Variants in NFAM1 observed in about 807,000 individuals in gnomAD.
The protein encoded by NFAM1 is NFAT activation molecule 1.
Under a neutral mutation model 29.0 loss-of-function variants are expected in NFAM1, and 17 were observed. That is an observed-to-expected ratio of 0.59 (90% CI 0.40 to 0.88). The LOEUF (loss-of-function observed/expected upper bound fraction) is 0.88, where lower values mean the gene tolerates loss of function less well. NFAM1 is among the 40% of genes least tolerant of loss of function. The pLI is 0.00. For missense variants in NFAM1, 324 were observed against 344.6 expected (o/e 0.94, Z 0.47); for synonymous variants, 175 against 147.2 (o/e 1.19, Z -1.36).
chr22:42,425,138 G>A (rs561198627), intron 1 of NFAM1, among the ~76,000 whole-genome samples: 10 of 152,170 alleles, frequency 6.6e-5, no homozygotes, highest in Admixed American at 3.3e-4. Context: ...GGCCAGGCTG[G>A]TCTCGAACTC....
Position 42,432,378 on chromosome 22 carries a change from G to A in NFAM1, c.-21C>T, listed in dbSNP as rs202183156. Reference sequence around the variant, plus strand: ...TCCATCTGGGGGCCTGCTTGTCTGCGGCGACTCTTTAGTTCACAGGAGGGG... The same window carrying A: ...TCCATCTGGGGGCCTGCTTGTCTGCAGCGACTCTTTAGTTCACAGGAGGGG... On this transcript the variant is annotated 5_prime_UTR_variant, in exon 1 of 6. Coordinates refer to ENST00000329021, the MANE Select transcript of NFAM1 (RefSeq NM_145912.8). The A allele has an allele frequency of 2.1e-5, 32 of 1,550,432 alleles. No homozygotes were observed. The African/African-American group carries it at 2.6e-4, about 13-fold the overall frequency.
rs150163922 is a variant in NFAM1, at chr22:42,424,332, G to A, written c.121+7905C>T. 8.6e-3 allele frequency among the ~76,000 whole-genome samples: 1,306 copies of A among 152,104 alleles called. 25 individuals carry two copies. Among genetic ancestry groups the A allele is most frequent in the African/African-American group, 0.03 (1,238 of 41,474 alleles). ...CGGGAGGCTGAGGCAGGAGAATGGC[G>A]TGAACCAGGGAGGCAGAGCTTGCGA... On this transcript the variant is annotated intron_variant, in intron 1 of 5. Coordinates refer to ENST00000329021, the MANE Select transcript of NFAM1 (RefSeq NM_145912.8).
At chr22:42,399,471 AG>A (rs1929654959) in intron 3 of NFAM1, among the ~76,000 whole-genome samples, 1 of 150,974 alleles carries the variant, frequency 6.6e-6, no homozygotes, top group African/African-American at 2.4e-5. Flanking sequence ...AAAGAAAGAA[AG>A]AAAAAAAGAG....
At chr22:42,396,707 G>A (rs1929536804) in intron 4 of NFAM1, among the ~76,000 whole-genome samples, 1 of 152,168 alleles carries the variant, frequency 6.6e-6, no homozygotes, top group South Asian at 2.1e-4. Context: ...GAAGCTGAAA[G>A]CCCTTTGAGA....
intron 3 of NFAM1, among the ~76,000 whole-genome samples, 170 bp from the exon 4 acceptor site, chr22:42,398,126 T>G (rs1215205846): frequency 6.6e-6 from 1 of 152,172 alleles, no homozygotes; most frequent in Admixed American, 6.5e-5. Context: ...CTACAAGACC[T>G]GCATCAAGCC....
Position 42,409,400 on chromosome 22 carries a change from G to T in NFAM1, c.564+35C>A. 1 of 1,190,542 alleles carries T rather than the reference G, an allele frequency of 8.4e-7. No homozygotes were observed. The highest frequency in any genetic ancestry group is 1.2e-6 in the Non-Finnish European group (1 of 863,718). 73.7% of individuals were successfully genotyped at this position (1,190,542 alleles called of 1,614,324 possible). On this transcript the variant is annotated intron_variant, in intron 3 of 5. Coordinates refer to ENST00000329021, the MANE Select transcript of NFAM1 (RefSeq NM_145912.8). The surrounding 1 kb of genome is among the most constrained non-coding windows in gnomAD (Gnocchi z 4.9). ...CGGGCAGCCGGTGGCGTGTCGGGTGGAGGGGCTGCATGGCTGTGAGCACTG... is the reference window on the plus strand; with the variant it reads ...CGGGCAGCCGGTGGCGTGTCGGGTGTAGGGGCTGCATGGCTGTGAGCACTG...
At position 42,432,312 on chromosome 22, in the gene NFAM1, G is replaced by A. The variant is rs372030282; in HGVS notation, c.46C>T (p.Arg16Cys). 5.4e-5 allele frequency: 85 copies of A among 1,576,642 alleles called. No individual in the cohort carries two copies. The highest frequency in any genetic ancestry group is 1.7e-4 in the Middle Eastern group (1 of 5,930). The change falls in exon 1 of 6, where the codon CGC (arginine) becomes TGC (cysteine). Residue 16 changes from arginine to cysteine, a missense_variant. Physicochemically the swap from Arg to Cys is radical, Grantham distance 180. Transcript: ENST00000329021. ...VRWRALPGLP[R>C]PPGLPAAPWL... ...GGGGCTGCGGGGAGCCCAGGAGGGCGTGGGAGGCCTGGCAGGGCCCGCCAC... is the reference window on the plus strand; with the variant it reads ...GGGGCTGCGGGGAGCCCAGGAGGGCATGGGAGGCCTGGCAGGGCCCGCCAC...
chr22:42,408,208 C>A (rs1352044212), intron 3 of NFAM1, among the ~76,000 whole-genome samples: 3 of 152,150 alleles, frequency 2.0e-5, no homozygotes, highest in African/African-American at 7.2e-5. Context: ...ATAGAGATTT[C>A]TTGATTTCAG....
intron 2 of NFAM1, among the ~76,000 whole-genome samples, chr22:42,411,182 C>T (rs1297932325): frequency 2.0e-5 from 3 of 151,926 alleles, no homozygotes; most frequent in African/African-American, 7.3e-5. Flanking sequence ...TGCCACCATG[C>T]CCAGCTAATT....
At chr22:42,406,951 A>T (rs564774779) in intron 3 of NFAM1, among the ~76,000 whole-genome samples, 1 of 151,544 alleles carries the variant, frequency 6.6e-6, no homozygotes, top group South Asian at 2.1e-4. Flanking sequence ...AATTTTTTGT[A>T]TCTTTAGTAG....
intron 1 of NFAM1, among the ~76,000 whole-genome samples, chr22:42,424,720 T>G (rs970865761): frequency 6.6e-6 from 1 of 151,230 alleles, no homozygotes; most frequent in Non-Finnish European, 1.5e-5. Flanking sequence ...TTGGTGGAGT[T>G]GGAAGGAATG....
chr22:42,425,153 C>T (rs1031115816), intron 1 of NFAM1, among the ~76,000 whole-genome samples: 1 of 152,088 alleles, frequency 6.6e-6, no homozygotes, highest in Non-Finnish European at 1.5e-5. Flanking sequence ...GAACTCCTGA[C>T]CTCAGGTGAT....
Position 42,432,231 on chromosome 22 carries a change from C to T in NFAM1, c.121+6G>A. 6.4e-7 allele frequency: 1 copy of T among 1,568,820 alleles called. No individual in the cohort carries two copies. Among genetic ancestry groups the T allele is most frequent in the Non-Finnish European group, 8.6e-7 (1 of 1,156,384 alleles). ...GAGTAGAGAGAAGGAGGAAGACAGA[C>T]ACTACCTGCCAGTCGCAGGGTCCCG... On this transcript the variant is annotated splice_donor_region_variant and intron_variant, in intron 1 of 5. Transcript: ENST00000329021.
In NFAM1 at chr22:42,381,024, T is replaced by G. The variant is rs1928927643; in HGVS notation, c.*4137A>C. ...CTCTGCTGCCAGAATCCCCTGGAAA[T>G]GTTTGCTGAGGAGGGGCCACCGTTT... On this transcript the variant is annotated 3_prime_UTR_variant, in exon 6 of 6. Transcript: ENST00000329021. The G allele has an allele frequency of 6.6e-6, 1 of 152,630 alleles. No individual in the cohort carries two copies. Among genetic ancestry groups the G allele is most frequent in the South Asian group, 2.1e-4 (1 of 4,822 alleles). 9.5% of individuals were successfully genotyped at this position (152,630 alleles called of 1,614,324 possible). A position where few individuals can be genotyped will look rare whatever the true frequency, so the allele number is the denominator to read the frequency against.
chr22:42,412,568 C>T (rs932259787), intron 1 of NFAM1, among the ~76,000 whole-genome samples: 1 of 152,218 alleles, frequency 6.6e-6, no homozygotes. Flanking sequence ...GATCAAAGCA[C>T]AGGCCTGAGA....
chr22:42,411,019 CTTTTTTTTTTT>C (rs138369373), intron 2 of NFAM1, among the ~76,000 whole-genome samples: 2 of 121,776 alleles, frequency 1.6e-5, no homozygotes, highest in Admixed American at 8.4e-5. Context: ...CTTTTCTTTT[CTTTTTTTTTTT>C]TTTTTTTTTT....
chr22:42,399,708 C>A (rs1929664080), intron 3 of NFAM1, among the ~76,000 whole-genome samples: 1 of 152,262 alleles, frequency 6.6e-6, no homozygotes, highest in African/African-American at 2.4e-5. Flanking sequence ...GCGGTACAGG[C>A]AGCCCTCTGG....
At chr22:42,417,630 AGGAGG>A (rs1448517505) in intron 1 of NFAM1, among the ~76,000 whole-genome samples, 1 of 152,134 alleles carries the variant, frequency 6.6e-6, no homozygotes, top group Non-Finnish European at 1.5e-5. Flanking sequence ...GCAGAGAGTG[AGGAGG>A]GGCTGGTGAG....
intron 1 of NFAM1, among the ~76,000 whole-genome samples, chr22:42,428,248 C>G (rs1165752284): frequency 6.6e-6 from 1 of 152,138 alleles, no homozygotes; most frequent in Non-Finnish European, 1.5e-5. Context: ...CCGCTCTGTC[C>G]CCACTCCGCG....
Sources: allele counts gnomAD v4.1 joint callset (sites outside exome capture counted in the v4.1 genomes callset), GRCh38; gene constraint gnomAD v4.1.1; non-coding constraint Gnocchi (gnomAD v3.1); transcripts MANE v1.5; gene names NCBI Gene and HGNC (gene_info 2026-07-23, HGNC 2026-07-21).